The following MSLN variants were observed in gnomAD, a reference collection of about 807,000 sequenced individuals.
The protein encoded by MSLN is CAK1 antigen.
A neutral mutation model predicts 72.6 loss-of-function variants in MSLN; 82 were observed. The ratio of observed to expected loss-of-function variants is 1.13; its 90% CI spans 0.94 to 1.36. MSLN has a LOEUF of 1.36. Among genes scored for constraint, MSLN ranks in the 40% most tolerant of loss-of-function variants. The pLI is 0.00. For missense variants in MSLN, 1,005 were observed against 847.9 expected (o/e 1.19, Z -2.30); for synonymous variants, 456 against 387.3 (o/e 1.18, Z -2.08).
At chr16:761,594 G>A (rs1293383773) in intron 2 of MSLN, among the ~76,000 whole-genome samples, 4 of 151,846 alleles carry the variant, frequency 2.6e-5, no homozygotes, top group Non-Finnish European at 5.9e-5. Flanking sequence ...CACCCCAAGG[G>A]CTGGGGGTCC....
At position 768,673 on chromosome 16, in the gene MSLN, C is replaced by T. The variant is rs2041677019; in HGVS notation, c.1809C>T (p.Leu603=). The change falls in exon 18 of 18, where the codon CTC becomes CTT. Residue 603 remains leucine, a synonymous_variant. Coordinates refer to ENST00000545450, the MANE Select transcript of MSLN (RefSeq NM_005823.6). ...AGGCCCTCTCGGGGACGCCCTGCCT[C>T]CTAGGACCTGGACCTGTTCTCACCG... The part of the protein sequence containing the change: ...MQEALSGTPC[L]LGPGPVLTVL... The T allele has an allele frequency of 2.5e-6, 4 of 1,611,048 alleles. No individual in the cohort carries two copies. The highest frequency in any genetic ancestry group is 1.3e-5 in the African/African-American group (1 of 74,964).
rs2041585271 is a variant in MSLN at position 764,965 on chromosome 16, G to A, written c.439G>A (p.Ala147Thr). 1 of 1,612,340 alleles carries A rather than the reference G, an allele frequency of 6.2e-7. No individual in the cohort carries two copies. The highest frequency in any genetic ancestry group is 1.7e-5 in the Admixed American group (1 of 59,986). The change falls in exon 8 of 18, where the codon GCC becomes ACC. Residue 147 changes from alanine to threonine, a missense_variant. Transcript: ENST00000545450. ...CTRFFSRITKANVDLLPRGAP... is the reference protein window; with the variant it reads ...CTRFFSRITKTNVDLLPRGAP... ...CCGTTTCTTCTCCCGCATCACGAAG[G>A]CCAATGTGGACCTGCTCCCGAGGGG...
intron 10 of MSLN, 30 bp from the exon 11 acceptor site, chr16:765,661 A>G: frequency 1.3e-6 from 2 of 1,598,684 alleles, no homozygotes; most frequent in Non-Finnish European, 1.7e-6. Context: ...CGGCCACCCG[A>G]GGCTCAGCCC....
At chr16:768,044 G>A (rs1170669038) in intron 16 of MSLN, among the ~76,000 whole-genome samples, 6 of 87,254 alleles carry the variant, frequency 6.9e-5, no homozygotes, top group Admixed American at 6.5e-4. Context: ...GCGCGTGGAG[G>A]GGGCGCGTGG....
chr16:762,949 C>T (rs1266444384), intron 3 of MSLN, among the ~76,000 whole-genome samples, 184 bp downstream of exon 3: 1 of 152,182 alleles, frequency 6.6e-6, no homozygotes, highest in East Asian at 1.9e-4. Context: ...AGTGATGGGG[C>T]TCAGGACACA....
intron 3 of MSLN, 145 bp downstream of exon 3, chr16:762,910 G>C: frequency 1.5e-6 from 1 of 662,108 alleles, no homozygotes; most frequent in Non-Finnish European, 2.5e-6. Context: ...TGCCCCCAGA[G>C]GTGACTGGAG....
Position 767,071 on chromosome 16 carries a change from C to A in MSLN, c.1501+59C>A, listed in dbSNP as rs564655407. The A allele has an allele frequency of 1.1e-5, 17 of 1,606,840 alleles. No homozygotes were observed. The East Asian group carries it at 3.8e-4, about 36-fold the overall frequency. ...CACAACGGGGGAAGCACAGACTCCA[C>A]TCGGGGGTGCCAGGCCTTTGCCTCG... On this transcript the variant is annotated intron_variant, in intron 15 of 17. Transcript: ENST00000545450.
intron 4 of MSLN, 82 bp from the exon 5 acceptor site, chr16:763,560 C>G: frequency 7.2e-7 from 1 of 1,386,482 alleles, no homozygotes; most frequent in Non-Finnish European, 9.9e-7. Flanking sequence ...CGGGGAGTAC[C>G]TGGCCCAGGG....
chr16:765,760 C>A lies in MSLN; in HGVS notation c.865C>A (p.Leu289Ile). ...PSWRQPERTI[L>I]RPRFRREVEK... ...CTGGCGGCAGCCTGAACGGACCATC[C>A]TCCGGCCGCGGTTCCGGCGGGAAGT... Residue 289 changes from leucine (L) to isoleucine (I), a missense_variant, in exon 11 of 18, where the codon CTC (leucine) becomes ATC (isoleucine). Physicochemically the swap from Leu to Ile is conservative, Grantham distance 5 (BLOSUM62 2). Transcript: ENST00000545450. The A allele has an allele frequency of 6.2e-7, 1 of 1,600,378 alleles. No homozygotes were observed. The highest frequency in any genetic ancestry group is 1.1e-5 in the South Asian group (1 of 91,072).
chr16:763,929 T>C (rs1165996559), intron 5 of MSLN, 94 bp from the exon 6 acceptor site: 7 of 1,532,872 alleles, frequency 4.6e-6, no homozygotes, highest in South Asian at 1.2e-5. Flanking sequence ...CCAGGGTCCT[T>C]TGGGGAGAGG....
Position 765,700 on chromosome 16 carries a change from G to T in MSLN, c.805G>T (p.Ala269Ser). 1 of 1,600,736 alleles carries T rather than the reference G, an allele frequency of 6.2e-7. No homozygotes were observed. The highest frequency in any genetic ancestry group is 8.5e-7 in the Non-Finnish European group (1 of 1,179,386). ...TCCTGCTCGTCCTCAGGGCATCGTG[G>T]CCGCGTGGCGGCAACGCTCCTCTCG... ...IIRSIPQGIV[A>S]AWRQRSSRDP... The change falls in exon 11 of 18, where the codon GCC (alanine) becomes TCC (serine). Residue 269 changes from alanine (A) to serine (S), a missense_variant. Coordinates refer to ENST00000545450, the MANE Select transcript of MSLN (RefSeq NM_005823.6).
chr16:768,596 G>T (rs768299678), intron 17 of MSLN, 31 bp downstream of exon 17: 24 of 1,610,208 alleles, frequency 1.5e-5, no homozygotes, highest in Non-Finnish European at 1.9e-5. Flanking sequence ...AGGGCTGGGG[G>T]CAGAGCTGGG....
At position 766,982 on chromosome 16, in the gene MSLN, G is replaced by A. The variant is rs747503528; in HGVS notation, c.1471G>A (p.Glu491Lys). Residue 491 changes from glutamate (E) to lysine (K), a missense_variant, in exon 15 of 18, where the codon GAA becomes AAA. Coordinates refer to ENST00000545450, the MANE Select transcript of MSLN (RefSeq NM_005823.6). ...RLAFQNMNGSEYFVKIQSFLG... is the reference protein window; with the variant it reads ...RLAFQNMNGSKYFVKIQSFLG... ...TGCTTTCCAGAACATGAACGGGTCCGAATACTTCGTGAAGATCCAGTCCTT... is the reference window on the plus strand; with the variant it reads ...TGCTTTCCAGAACATGAACGGGTCCAAATACTTCGTGAAGATCCAGTCCTT... 33 of 1,612,620 alleles carry A rather than the reference G, an allele frequency of 2.0e-5. No individual in the cohort carries two copies. The highest frequency in any genetic ancestry group is 5.0e-5 in the Admixed American group (3 of 60,018).
At chr16:768,056 GGA>G (rs1484194303) in intron 16 of MSLN, among the ~76,000 whole-genome samples, 3 of 107,502 alleles carry the variant, frequency 2.8e-5, no homozygotes, top group East Asian at 3.1e-4. Context: ...GGCGCGTGGA[GGA>G]GGGGCACATG....
rs955288508 is a variant in MSLN at position 764,939 on chromosome 16, C to T, written c.413C>T (p.Thr138Ile). Residue 138 changes from threonine to isoleucine, a missense_variant, in exon 8 of 18, where the codon ACC (threonine) becomes ATC (isoleucine). By Grantham distance (89) the Thr-to-Ile change is moderately conservative. Transcript: ENST00000545450. ...PDAFSGPQAC[T>I]RFFSRITKAN... ...GCGTTCTCGGGGCCCCAGGCCTGCA[C>T]CCGTTTCTTCTCCCGCATCACGAAG... 1.9e-6 allele frequency: 3 copies of T among 1,612,330 alleles called. No homozygotes were observed. In the East Asian group the frequency reaches 6.7e-5, roughly 36 times the overall value.
At chr16:765,663 G>C in intron 10 of MSLN, 28 bp from the exon 11 acceptor site, 1 of 1,599,114 alleles carries the variant, frequency 6.3e-7, no homozygotes, top group Non-Finnish European at 8.5e-7. Flanking sequence ...GCCACCCGAG[G>C]CTCAGCCCAG....
intron 13 of MSLN, 85 bp downstream of exon 13, chr16:766,575 G>A: frequency 6.2e-7 from 1 of 1,608,744 alleles, no homozygotes; most frequent in Non-Finnish European, 8.5e-7. Flanking sequence ...AGGTTGGGCG[G>A]GCCTGGGGTC....
rs202244534 is a variant in MSLN, at chr16:766,832, C to T, written c.1373+22C>T. ...TCTGGTGAGTCCCCAGAACTCTGCCCGGCAAGGTGGGTCCGTGTGCTGGCG... is the reference window on the plus strand; with the variant it reads ...TCTGGTGAGTCCCCAGAACTCTGCCTGGCAAGGTGGGTCCGTGTGCTGGCG... On this transcript the variant is annotated intron_variant, in intron 14 of 17. Coordinates refer to ENST00000545450, the MANE Select transcript of MSLN (RefSeq NM_005823.6). 1.6e-3 allele frequency: 2,512 copies of T among 1,612,352 alleles called. 7 individuals carry two copies. Among genetic ancestry groups the T allele is most frequent in the Middle Eastern group, 2.3e-3 (14 of 6,060 alleles).
At chr16:762,316 C>A (rs1050320847) in intron 2 of MSLN, among the ~76,000 whole-genome samples, 1 of 152,204 alleles carries the variant, frequency 6.6e-6, no homozygotes, top group South Asian at 2.1e-4. Flanking sequence ...TCCTCCTGTG[C>A]GAGAGTGGGG....
Sources: allele counts gnomAD v4.1 joint callset (sites outside exome capture counted in the v4.1 genomes callset), GRCh38; gene constraint gnomAD v4.1.1; transcripts MANE v1.5; gene names NCBI Gene and HGNC (gene_info 2026-07-23, HGNC 2026-07-21).